Variants in PPP2R3B observed in about 807,000 individuals in gnomAD.
The protein encoded by PPP2R3B is protein phosphatase 2 regulatory subunit B''beta, also known as serine/threonine-protein phosphatase 2A regulatory subunit B'' subunit beta.
In PPP2R3B, 68 loss-of-function variants were observed where a neutral mutation model predicts 72.9. That is an observed-to-expected ratio of 0.93 (90% CI 0.77 to 1.14). The LOEUF is 1.14. Among genes scored for constraint, PPP2R3B ranks in the 50% most tolerant of loss-of-function variants. PPP2R3B has a pLI of 0.00. For synonymous variants in PPP2R3B, 466 were observed against 375.8 expected, an observed-to-expected ratio of 1.24 and a Z score of -2.78; for missense variants, 1,018 against 842.0, an observed-to-expected ratio of 1.21 and a Z score of -2.59.
chrX:384,191 G>A (rs2124431816), intron 1 of PPP2R3B, among the ~76,000 whole-genome samples: 1 of 151,842 alleles, frequency 6.6e-6, no homozygotes, highest in South Asian at 2.1e-4. Context: ...TGAGATTCAA[G>A]AAGTAAATAA....
At chrX:364,115 C>G (rs967468599) in intron 1 of PPP2R3B, among the ~76,000 whole-genome samples, 1 of 152,248 alleles carries the variant, frequency 6.6e-6, no homozygotes, top group Non-Finnish European at 1.5e-5. Flanking sequence ...CGAAATCTCT[C>G]ACAGCCTTGC....
intron 12 of PPP2R3B, chrX:335,701 G>T (rs1190535217): frequency 2.0e-5 from 3 of 152,252 alleles, no homozygotes; most frequent in Non-Finnish European, 4.4e-5. Flanking sequence ...GGTTCCCTGG[G>T]AAGAGGAGTG....
chrX:342,305 CCTCAGCAACGGGAGGCGGG>C (rs2071098686), intron 7 of PPP2R3B: 1 of 316,980 alleles, frequency 3.2e-6, no homozygotes, highest in South Asian at 2.8e-5. Flanking sequence ...GGGAGTGAGA[CCTCAGCAACGGGAGGCGGG>C]AGTGAGACCT....
chrX:366,900 T>C (rs1368139278), intron 1 of PPP2R3B, among the ~76,000 whole-genome samples: 8 of 150,532 alleles, frequency 5.3e-5, no homozygotes, highest in Non-Finnish European at 1.0e-4. Flanking sequence ...TGGTGGCGCA[T>C]GCCTGTAATC....
intron 2 of PPP2R3B, among the ~76,000 whole-genome samples, chrX:359,635 C>A (rs1382816939): frequency 6.6e-6 from 1 of 152,212 alleles, no homozygotes; most frequent in Non-Finnish European, 1.5e-5. Context: ...CATGGCCCCA[C>A]ACTGCCGTAC....
rs369597476 is a variant in PPP2R3B, at chrX:334,359, G to A, written c.*8C>T. ...AGCGGCCCCGCGGCGGCGTTCTCGC[G>A]GGCGGCGTCACAGCGGCTCCAGGTC... is the stretch of plus-strand genomic sequence containing the variant. On this transcript the variant is annotated 3_prime_UTR_variant, in exon 13 of 13. Transcript: ENST00000390665. The A allele has an allele frequency of 4.4e-4, 650 of 1,476,206 alleles. No individual in the cohort carries two copies. The highest frequency in any genetic ancestry group is 5.1e-4 in the Non-Finnish European group (576 of 1,124,414). 91.4% of individuals were successfully genotyped at this position (1,476,206 alleles called of 1,614,324 possible).
intron 1 of PPP2R3B, among the ~76,000 whole-genome samples, chrX:383,763 G>C (rs1449357188): frequency 6.7e-6 from 1 of 148,356 alleles, no homozygotes; most frequent in Admixed American, 6.8e-5. Context: ...GCGTGAACCC[G>C]GGAGGCGGAG....
rs182858402 is a variant in PPP2R3B at position 347,472 on chromosome X, C to G, written c.614+118G>C. On this transcript the variant is annotated intron_variant, in intron 3 of 12. Coordinates refer to ENST00000390665, the MANE Select transcript of PPP2R3B (RefSeq NM_013239.5). ...CACACACGACGGCCAGGCCTGTGCC[C>G]GTACAAGGGTTTCTCCTCTCACTGC... 2.8e-3 allele frequency: 3,770 copies of G among 1,350,824 alleles called. 67 individuals carry two copies. In the East Asian group the frequency reaches 0.031, roughly 11 times the overall value. The allele number at this position is 1,350,824 out of a possible 1,614,324, so 83.7% of individuals were successfully genotyped here. A position where few individuals can be genotyped will look rare whatever the true frequency, so the allele number is the denominator to read the frequency against.
Position 338,444 on chromosome X carries a change from C to A in PPP2R3B, c.1577+160G>T, listed in dbSNP as rs754862951. 2.1e-5 allele frequency: 15 copies of A among 711,066 alleles called. No individual in the cohort carries two copies. In the East Asian group the frequency reaches 3.8e-4, roughly 18 times the overall value. 44.0% of individuals were successfully genotyped at this position (711,066 alleles called of 1,614,324 possible). On this transcript the variant is annotated intron_variant, in intron 12 of 12. Coordinates refer to ENST00000390665, the MANE Select transcript of PPP2R3B (RefSeq NM_013239.5). ...TCGGCTGTCCTTACCTCACCGGCCC[C>A]GTGTCAGGTCTCACCCCGCCCCTCT...
At chrX:375,002 G>T (rs908933808) in intron 1 of PPP2R3B, among the ~76,000 whole-genome samples, 1 of 152,120 alleles carries the variant, frequency 6.6e-6, no homozygotes, top group African/African-American at 2.4e-5. Context: ...AGCCATCTCA[G>T]ACTGGCCTTT....
chrX:383,385 G>T (rs1482819633), intron 1 of PPP2R3B, among the ~76,000 whole-genome samples: 1 of 152,050 alleles, frequency 6.6e-6, no homozygotes, highest in Non-Finnish European at 1.5e-5. Context: ...TTTTCAAATG[G>T]TATAAACAAG....
In PPP2R3B at chrX:381,755, C is replaced by T. The variant is rs746287207; in HGVS notation, c.324+4613G>A. ...CTGGGACTACAGGCACCCGCCACCA[C>T]GCCCGGCTAATTTTCTGTATCTTTA... On this transcript the variant is annotated intron_variant, in intron 1 of 12. Transcript: ENST00000390665. Among the ~76,000 whole-genome samples, 133 of 152,044 alleles carry T rather than the reference C, an allele frequency of 8.7e-4. 1 individual carries two copies. The highest frequency in any genetic ancestry group is 3.0e-3 in the African/African-American group (125 of 41,462).
At chrX:363,576 GATCCCACAATGCATCTCCCCGTGCCCGCA>G (rs1284998586) in intron 1 of PPP2R3B, among the ~76,000 whole-genome samples, 36 of 51,276 alleles carry the variant, frequency 7.0e-4, no homozygotes, top group African/African-American at 2.3e-3. Context: ...ATGAGTCCAC[GATCCCACAATGCATCTCCCCGTGCCCGCA>G]ATCCCACAAT....
intron 1 of PPP2R3B, among the ~76,000 whole-genome samples, chrX:383,837 CAAAAAAA>C (rs757960788): frequency 3.1e-3 from 143 of 45,602 alleles, no homozygotes; most frequent in Middle Eastern, 0.016. Flanking sequence ...GACTCCGTCT[CAAAAAAA>C]AAAAAAAAAA....
rs138943468 is a variant in PPP2R3B, at chrX:364,239, C to T, written c.325-2649G>A. On this transcript the variant is annotated intron_variant, in intron 1 of 12. Transcript: ENST00000390665. ...GTAAATCCCCAGCGCGCCTCCGGCCCCAGGAATGAAAGTAGCAGCCTTCAC... is the reference window on the plus strand; with the variant it reads ...GTAAATCCCCAGCGCGCCTCCGGCCTCAGGAATGAAAGTAGCAGCCTTCAC... Among the ~76,000 whole-genome samples the T allele has an allele frequency of 2.6e-3, 398 of 152,294 alleles. 2 individuals carry two copies. The highest frequency in any genetic ancestry group is 9.4e-3 in the African/African-American group (390 of 41,580).
intron 2 of PPP2R3B, among the ~76,000 whole-genome samples, chrX:355,074 C>T (rs1036432324): frequency 8.5e-5 from 13 of 152,188 alleles, no homozygotes; most frequent in Non-Finnish European, 1.3e-4. Context: ...AAAGGCTGAA[C>T]TGTGCTCACC....
intron 2 of PPP2R3B, among the ~76,000 whole-genome samples, chrX:354,964 C>T (rs1394843630): frequency 4.6e-5 from 7 of 152,320 alleles, no homozygotes; most frequent in Non-Finnish European, 5.9e-5. Context: ...GAGCCCGAGG[C>T]GGGAAGGGGC....
chrX:379,378 C>CTGTGTATGCACCTATG (rs912210559), intron 1 of PPP2R3B, among the ~76,000 whole-genome samples: 2 of 147,336 alleles, frequency 1.4e-5, no homozygotes, highest in Admixed American at 1.4e-4. Flanking sequence ...GTGTATGTAC[C>CTGTGTATGCACCTATG]TGTGTATGCA....
rs1431947805 is a variant in PPP2R3B, at chrX:338,474, C to A, written c.1577+130G>T. ...CAGGTCTCACCCCGCCCCTCTGTGT[C>A]CGCGCACCCCACCTGACTGACCCCG... On this transcript the variant is annotated intron_variant, in intron 12 of 12. Coordinates refer to ENST00000390665, the MANE Select transcript of PPP2R3B (RefSeq NM_013239.5). 10 of 924,464 alleles carry A rather than the reference C, an allele frequency of 1.1e-5. 1 individual carries two copies. Among genetic ancestry groups the A allele is most frequent in the African/African-American group, 1.6e-5 (1 of 60,650 alleles). The allele number at this position is 924,464 out of a possible 1,614,324, so 57.3% of individuals were successfully genotyped here. A position where few individuals can be genotyped will look rare whatever the true frequency, so the allele number is the denominator to read the frequency against.
Sources: gnomAD v4.1 joint callset for allele counts (sites outside exome capture counted in the v4.1 genomes callset) on GRCh38, gnomAD v4.1.1 for gene constraint, MANE v1.5 for transcripts, NCBI Gene and HGNC (gene_info 2026-07-23, HGNC 2026-07-21) for gene names.